Variants in RHAG observed in about 807,000 individuals in gnomAD.
RHAG encodes the protein ammonium transporter Rh type A.
In RHAG, 25 loss-of-function variants were observed where a neutral mutation model predicts 42.4. That is an observed-to-expected ratio of 0.59 (90% CI 0.43 to 0.82). The LOEUF is 0.82. Among genes scored for constraint, RHAG ranks in the 40% least tolerant of loss-of-function variants. The probability of loss-of-function intolerance (pLI) is 0.00; values close to 1 mark genes in which losing one functional copy is unlikely to be tolerated. For synonymous variants in RHAG, 182 were observed against 177.7 expected (o/e 1.02, Z -0.19); for missense variants, 483 against 504.6 (o/e 0.96, Z 0.41).
chr6:49,614,630 T>C, intron 5 of RHAG, 57 bp downstream of exon 5: 1 of 1,470,500 alleles, frequency 6.8e-7, no homozygotes, highest in South Asian at 1.1e-5. Context: ...ACTACTTATC[T>C]GAGCAACTGT....
intron 2 of RHAG, among the ~76,000 whole-genome samples, chr6:49,618,822 T>A (rs1426018324): frequency 6.6e-6 from 1 of 152,334 alleles, no homozygotes; most frequent in East Asian, 1.9e-4. Context: ...CTGCTTGGAC[T>A]GCTATAACAA....
At chr6:49,616,146 A>T (rs16879519) in intron 3 of RHAG, among the ~76,000 whole-genome samples, 7,546 of 152,204 alleles carry the variant, frequency 0.05, 275 homozygotes, top group South Asian at 0.11. Context: ...GGCACACAAG[A>T]CATGCAAGGT....
intron 4 of RHAG, chr6:49,615,386 A>G: frequency 2.7e-6 from 1 of 369,512 alleles, no homozygotes; most frequent in Non-Finnish European, 4.9e-6. Flanking sequence ...GTTTAATTGA[A>G]TTTATTATTA....
chr6:49,609,886 G>A (rs774159606), intron 7 of RHAG, among the ~76,000 whole-genome samples: 2 of 152,004 alleles, frequency 1.3e-5, no homozygotes, highest in South Asian at 2.1e-4. Flanking sequence ...CTGCTATGCA[G>A]CCATAAAAAA....
At chr6:49,614,636 A>C (rs780140365) in intron 5 of RHAG, 51 bp downstream of exon 5, 1 of 1,524,988 alleles carries the variant, frequency 6.6e-7, no homozygotes, top group Non-Finnish European at 9.1e-7. Flanking sequence ...TATCTGAGCA[A>C]CTGTCAGTGT....
At chr6:49,619,577 T>C (rs917091521) in intron 1 of RHAG, among the ~76,000 whole-genome samples, 2 of 152,184 alleles carry the variant, frequency 1.3e-5, no homozygotes, top group African/African-American at 4.8e-5. Flanking sequence ...GAGCTTTTTA[T>C]TGGGAAGACT....
At chr6:49,610,932 C>T in intron 7 of RHAG, 92 bp downstream of exon 7, 1 of 1,511,200 alleles carries the variant, frequency 6.6e-7, no homozygotes, top group South Asian at 1.1e-5. Context: ...AAACCATGGC[C>T]AGAACAGCTA....
At chr6:49,619,879 G>A (rs1165553234) in intron 1 of RHAG, among the ~76,000 whole-genome samples, 5 of 152,182 alleles carry the variant, frequency 3.3e-5, no homozygotes, top group Non-Finnish European at 7.4e-5. Flanking sequence ...GATTGAAGGG[G>A]TTTGGAACCA....
intron 1 of RHAG, among the ~76,000 whole-genome samples, chr6:49,635,262 A>G (rs780113431): frequency 6.6e-6 from 1 of 152,028 alleles, no homozygotes; most frequent in Non-Finnish European, 1.5e-5. Context: ...GAATGATACA[A>G]TTATTAAGCT....
intron 1 of RHAG, among the ~76,000 whole-genome samples, chr6:49,621,141 G>A (rs1363503398): frequency 6.6e-6 from 1 of 152,128 alleles, no homozygotes; most frequent in Non-Finnish European, 1.5e-5. Context: ...AGTGTGTTGA[G>A]GGTAAGAGAC....
At chr6:49,615,815 G>A in intron 3 of RHAG, 44 bp from the exon 4 acceptor site, 2 of 1,592,820 alleles carry the variant, frequency 1.3e-6, no homozygotes, top group Non-Finnish European at 1.7e-6. Flanking sequence ...GTGAACCTGA[G>A]ACTCATTTAT....
chr6:49,611,970 A>T (rs1405228301), intron 6 of RHAG, among the ~76,000 whole-genome samples: 5 of 151,720 alleles, frequency 3.3e-5, no homozygotes, highest in Admixed American at 3.3e-4. Context: ...GCTGGTCTTG[A>T]ACTCCTGACC....
intron 1 of RHAG, among the ~76,000 whole-genome samples, chr6:49,623,710 GT>G (rs1224976181): frequency 3.3e-5 from 5 of 152,220 alleles, no homozygotes; most frequent in African/African-American, 1.2e-4. Context: ...ACTTGCTGTG[GT>G]GAATAGGACA....
intron 1 of RHAG, among the ~76,000 whole-genome samples, chr6:49,619,868 T>C (rs2127354026): frequency 6.6e-6 from 1 of 152,330 alleles, no homozygotes; most frequent in Admixed American, 6.5e-5. Context: ...GTGAACTTCT[T>C]GATTGAAGGG....
chr6:49,607,246 A>G lies in RHAG; in HGVS notation c.1068-26T>C, dbSNP rs375376615. 1.2e-4 allele frequency: 198 copies of G among 1,596,036 alleles called. No individual in the cohort carries two copies. The African/African-American group carries it at 2.5e-3, about 20-fold the overall frequency. On this transcript the variant is annotated intron_variant, in intron 7 of 9. Transcript: ENST00000371175. ...CTAAGGAAGCAAACAAAAAAGAATC[A>G]GTGTCTTTCCTGGATCTCAGCCAAA... is the stretch of plus-strand genomic sequence containing the variant.
chr6:49,618,161 C>G lies in RHAG; in HGVS notation c.399G>C (p.Leu133=), dbSNP rs1384781030. 5.0e-6 allele frequency: 8 copies of G among 1,614,014 alleles called. No individual in the cohort carries two copies. Among genetic ancestry groups the G allele is most frequent in the Non-Finnish European group, 6.8e-6 (8 of 1,180,028 alleles). The part of the protein sequence containing the change: ...ATVLISFGAV[L]GKTSPTQMLI... ...GCATTTGGGTGGGGCTCGTTTTTCC[C>G]AGGACAGCTCCAAAAGATATCAGAA... Residue 133 remains leucine, a synonymous_variant, in exon 3 of 10, where the codon CTG becomes CTC. Coordinates refer to ENST00000371175, the MANE Select transcript of RHAG (RefSeq NM_000324.3).
intron 3 of RHAG, 27 bp from the exon 4 acceptor site, chr6:49,615,798 A>T: frequency 6.2e-7 from 1 of 1,610,072 alleles, no homozygotes; most frequent in Non-Finnish European, 8.5e-7. Context: ...CATTCACATA[A>T]ATAGAGGTGA....
At chr6:49,609,653 A>G (rs1762536036) in intron 7 of RHAG, among the ~76,000 whole-genome samples, 1 of 152,272 alleles carries the variant, frequency 6.6e-6, no homozygotes, top group Admixed American at 6.5e-5. Flanking sequence ...TCAACTGTAC[A>G]CATGAAGAAG....
chr6:49,611,254 T>C, intron 6 of RHAG, 109 bp from the exon 7 acceptor site: 2 of 840,542 alleles, frequency 2.4e-6, no homozygotes, highest in Non-Finnish European at 3.8e-6. Context: ...AAAAGTATTT[T>C]ATAAATAATT....
Sources: allele counts gnomAD v4.1 joint callset (sites outside exome capture counted in the v4.1 genomes callset), GRCh38; gene constraint gnomAD v4.1.1; transcripts MANE v1.5; gene names NCBI Gene and HGNC (gene_info 2026-07-23, HGNC 2026-07-21).